The following DOCK5 variants were observed in gnomAD, a reference collection of about 807,000 sequenced individuals.
The protein encoded by DOCK5 is dedicator of cytokinesis protein 5.
A neutral mutation model predicts 251.8 loss-of-function variants in DOCK5; 142 were observed. The ratio of observed to expected loss-of-function variants is 0.56; its 90% CI spans 0.49 to 0.65. The LOEUF (loss-of-function observed/expected upper bound fraction) is 0.65. Among genes scored for constraint, DOCK5 ranks in the 30% least tolerant of loss-of-function variants. DOCK5 has a pLI of 0.00. For synonymous variants in DOCK5, 842 were observed against 835.5 expected (o/e 1.01, Z -0.13); for missense variants, 2,111 against 2,312.3 (o/e 0.91, Z 1.79).
At chr8:25,341,893 G>C in intron 24 of DOCK5, 84 bp downstream of exon 24, 1 of 1,115,232 alleles carries the variant, frequency 9.0e-7, no homozygotes, top group South Asian at 1.5e-5. Flanking sequence ...GCTACACCTG[G>C]CTTTTATTTT....
intron 5 of DOCK5, among the ~76,000 whole-genome samples, chr8:25,289,935 C>G (rs953936647): frequency 1.3e-5 from 2 of 152,144 alleles, no homozygotes; most frequent in Non-Finnish European, 2.9e-5. Flanking sequence ...AAAAGTGATA[C>G]ACAGAAGACT....
chr8:25,226,244 G>A (rs898849688), intron 1 of DOCK5, among the ~76,000 whole-genome samples: 1 of 149,288 alleles, frequency 6.7e-6, no homozygotes, highest in African/African-American at 2.5e-5. Context: ...TGTGCCAAAT[G>A]TGTGTATAGG....
At position 25,372,615 on chromosome 8, in the gene DOCK5, C is replaced by T. The variant is rs1586372146; in HGVS notation, c.3581C>T (p.Ala1194Val). The T allele has an allele frequency of 6.2e-7, 1 of 1,605,526 alleles. No homozygotes were observed. The highest frequency in any genetic ancestry group is 1.1e-5 in the South Asian group (1 of 89,346). Residue 1194 changes from alanine to valine, a missense_variant, in exon 35 of 52, where the codon GCC becomes GTC. Physicochemically the swap from Ala to Val is moderately conservative, Grantham distance 64. This residue lies in a region of DOCK5 where 1,717 missense variants were observed against 1,892.4 expected (regional missense o/e 0.91). Transcript: ENST00000276440. ...KYLSSSGEVF[A>V]LLVSSLLENL... Reference sequence around the variant, plus strand: ...CTCTCCAGCTCTGGGGAGGTCTTCGCCCTCCTGGTCAGCAGCCTCTTAGAG... The same window carrying T: ...CTCTCCAGCTCTGGGGAGGTCTTCGTCCTCCTGGTCAGCAGCCTCTTAGAG...
chr8:25,390,279 G>T lies in DOCK5; in HGVS notation c.4347G>T (p.Gln1449His). The change falls in exon 42 of 52, where the codon CAG becomes CAT. Residue 1449 changes from glutamine (Q) to histidine (H), a missense_variant. Physicochemically the swap from Gln to His is conservative, Grantham distance 24 (BLOSUM62 0). This residue lies in a region of DOCK5 where 1,717 missense variants were observed against 1,892.4 expected (regional missense o/e 0.91). Transcript: ENST00000276440. ...ACAAGGATAAACCTGTTCCAGAGCA[G>T]ATCTTAAAGTAAGTGGTTTTTCATT... ...PSYKDKPVPE[Q>H]ILNYYRANEV... is the part of the protein sequence containing the mutation. 1 of 1,574,570 alleles carries T rather than the reference G, an allele frequency of 6.4e-7. No individual in the cohort carries two copies. Among genetic ancestry groups the T allele is most frequent in the South Asian group, 1.2e-5 (1 of 85,274 alleles).
intron 3 of DOCK5, among the ~76,000 whole-genome samples, chr8:25,273,603 A>G (rs1803970011): frequency 6.6e-6 from 1 of 152,226 alleles, no homozygotes; most frequent in African/African-American, 2.4e-5. Flanking sequence ...ACTCTGTCTC[A>G]AAGAATGAAT....
At chr8:25,356,560 AG>A (rs1285910742) in intron 27 of DOCK5, among the ~76,000 whole-genome samples, 3 of 151,950 alleles carry the variant, frequency 2.0e-5, no homozygotes, top group African/African-American at 7.3e-5. Context: ...CCAGCTACTC[AG>A]GAGGCTAAGA....
At chr8:25,282,023 A>T (rs574951635) in intron 5 of DOCK5, among the ~76,000 whole-genome samples, 1 of 152,118 alleles carries the variant, frequency 6.6e-6, no homozygotes, top group East Asian at 1.9e-4. Context: ...TTGATTGACT[A>T]AAAGACATTC....
In DOCK5 at chr8:25,275,542, C is replaced by T. The variant is rs796933101; in HGVS notation, c.224+101C>T. 11 of 1,207,360 alleles carry T rather than the reference C, an allele frequency of 9.1e-6. No homozygotes were observed. The African/African-American group carries it at 1.1e-4, about 12-fold the overall frequency. 74.8% of individuals were successfully genotyped at this position (1,207,360 alleles called of 1,614,324 possible). On this transcript the variant is annotated intron_variant, in intron 4 of 51. Coordinates refer to ENST00000276440, the MANE Select transcript of DOCK5 (RefSeq NM_024940.8). Reference sequence around the variant, plus strand: ...TAATGCCTTATGTACGTTAATAGTTCTCTCATCTCAGGCCAGGCGTGGTGG... The same window carrying T: ...TAATGCCTTATGTACGTTAATAGTTTTCTCATCTCAGGCCAGGCGTGGTGG...
intron 46 of DOCK5, among the ~76,000 whole-genome samples, chr8:25,400,702 T>A (rs938582329): frequency 1.3e-5 from 2 of 152,034 alleles, no homozygotes; most frequent in African/African-American, 4.8e-5. Flanking sequence ...CATCCCACAG[T>A]CCTTCCCCAG....
chr8:25,373,856 A>G (rs949692704), intron 36 of DOCK5, among the ~76,000 whole-genome samples, 198 bp downstream of exon 36: 2 of 152,186 alleles, frequency 1.3e-5, no homozygotes, highest in East Asian at 3.8e-4. Context: ...AGGAGTGCCT[A>G]TGTGAGGTCA....
At chr8:25,400,852 C>A (rs1801426315) in intron 46 of DOCK5, 77 bp from the exon 47 acceptor site, 1 of 1,533,484 alleles carries the variant, frequency 6.5e-7, no homozygotes, top group Admixed American at 1.7e-5. Flanking sequence ...TCCACCCCAT[C>A]CCTCCCTTCC....
rs181434334 is a variant in DOCK5 at position 25,367,029 on chromosome 8, G to A, written c.3224+59G>A. 1,111 of 1,444,684 alleles carry A rather than the reference G, an allele frequency of 7.7e-4. 7 individuals are homozygous for A. Among genetic ancestry groups the A allele is most frequent in the Middle Eastern group, 3.8e-3 (22 of 5,730 alleles). 89.5% of individuals were successfully genotyped at this position (1,444,684 alleles called of 1,614,324 possible). On this transcript the variant is annotated intron_variant, in intron 31 of 51. Transcript: ENST00000276440. Reference sequence around the variant, plus strand: ...GGCTTCTTCCATTTGTTTACATTGAGAGCAATATTTTAGGTATCACAGAAA... The same window carrying A: ...GGCTTCTTCCATTTGTTTACATTGAAAGCAATATTTTAGGTATCACAGAAA...
intron 1 of DOCK5, among the ~76,000 whole-genome samples, chr8:25,231,097 A>G (rs972324744): frequency 1.3e-5 from 2 of 151,908 alleles, no homozygotes; most frequent in Admixed American, 6.6e-5. Context: ...ATCCATACAC[A>G]TATGTATATG....
Position 25,211,956 on chromosome 8 carries a change from C to T in DOCK5, c.43+27005C>T, listed in dbSNP as rs192926332. On this transcript the variant is annotated intron_variant, in intron 1 of 51. Coordinates refer to ENST00000276440, the MANE Select transcript of DOCK5 (RefSeq NM_024940.8). Reference sequence around the variant, plus strand: ...TGGGCAGATCACAAGGTCAGGAGATCGACACCATATTGGCTAACACGGTGA... The same window carrying T: ...TGGGCAGATCACAAGGTCAGGAGATTGACACCATATTGGCTAACACGGTGA... Among the ~76,000 whole-genome samples, 534 of 69,182 alleles carry T rather than the reference C, an allele frequency of 7.7e-3. 152 individuals are homozygous for T. The highest frequency in any genetic ancestry group is 0.016 in the African/African-American group (500 of 30,564). The allele number at this position is 69,182 out of a possible 152,430, so 45.4% of individuals were successfully genotyped here.
intron 7 of DOCK5, among the ~76,000 whole-genome samples, chr8:25,298,664 C>T (rs1014231212): frequency 1.3e-5 from 2 of 151,882 alleles, no homozygotes; most frequent in Non-Finnish European, 2.9e-5. Context: ...TCAGTGACTC[C>T]ATCATAACTC....
intron 1 of DOCK5, among the ~76,000 whole-genome samples, chr8:25,195,514 G>A (rs1801701193): frequency 6.6e-6 from 1 of 152,130 alleles, no homozygotes; most frequent in South Asian, 2.1e-4. Flanking sequence ...GATCAGACCT[G>A]CCGCCTCCCT....
chr8:25,265,430 G>T (rs1586277935), intron 2 of DOCK5, among the ~76,000 whole-genome samples: 1 of 151,784 alleles, frequency 6.6e-6, no homozygotes, highest in Admixed American at 6.6e-5. Context: ...CGCTTGATTT[G>T]TTTCTGTCTG....
At chr8:25,268,043 A>T (rs543999191) in intron 2 of DOCK5, among the ~76,000 whole-genome samples, 2 of 152,020 alleles carry the variant, frequency 1.3e-5, no homozygotes, top group African/African-American at 2.4e-5. Flanking sequence ...TTATATTTTT[A>T]GTAGAGACGG....
chr8:25,388,096 G>A (rs186090112), intron 40 of DOCK5, among the ~76,000 whole-genome samples: 45 of 152,294 alleles, frequency 3.0e-4, no homozygotes, highest in Non-Finnish European at 5.6e-4. Flanking sequence ...CCTGGAAAGT[G>A]TAATTGCCCT....
Sources: allele counts gnomAD v4.1 joint callset (sites outside exome capture counted in the v4.1 genomes callset), GRCh38; gene constraint gnomAD v4.1.1; regional missense constraint gnomAD v4.1.1; transcripts MANE v1.5; gene names NCBI Gene and HGNC (gene_info 2026-07-23, HGNC 2026-07-21).